The following FARS2 variants were observed in gnomAD, a reference collection of about 807,000 sequenced individuals.
FARS2 encodes phenylalanine--tRNA ligase, mitochondrial.
In FARS2, 40 loss-of-function variants were observed where a neutral mutation model predicts 46.4. The ratio of observed to expected loss-of-function variants is 0.86; its 90% CI spans 0.67 to 1.12. FARS2 has a LOEUF of 1.12. Among genes scored for constraint, FARS2 ranks in the 50% most tolerant of loss-of-function variants. The pLI, the probability that FARS2 is intolerant of heterozygous loss-of-function variation, is 0.00. For missense variants in FARS2, 513 were observed against 567.9 expected (o/e 0.90, Z 0.98); for synonymous variants, 234 against 214.9 (o/e 1.09, Z -0.78).
At chr6:5,600,982 G>GTCGCCGT in intron 5 of FARS2, among the ~76,000 whole-genome samples, 1 of 151,810 alleles carries the variant, frequency 6.6e-6, no homozygotes, top group Non-Finnish European at 1.5e-5. Context: ...TCAGGAATGG[G>GTCGCCGT]ATTAGTGCCA....
chr6:5,670,000 T>G (rs1778369054), intron 6 of FARS2, among the ~76,000 whole-genome samples: 1 of 152,228 alleles, frequency 6.6e-6, no homozygotes, highest in Admixed American at 6.5e-5. Context: ...ATCCCATTTC[T>G]TGTGTTGATT....
chr6:5,727,745 C>T lies in FARS2; in HGVS notation c.1218-43546C>T, dbSNP rs1227018338. Among the ~76,000 whole-genome samples the T allele has an allele frequency of 6.6e-6, 1 of 152,210 alleles. No homozygotes were observed. The highest frequency in any genetic ancestry group is 1.5e-5 in the Non-Finnish European group (1 of 68,038). ...GGGATCATATTTTCAGGTGCATTTT[C>T]TTCCAATGCACTCTGACAGCTCAAA... On this transcript the variant is annotated intron_variant, in intron 6 of 6. Transcript: ENST00000274680. The surrounding 1 kb of genome is among the most constrained non-coding windows in gnomAD (Gnocchi z 4.1).
intron 3 of FARS2, among the ~76,000 whole-genome samples, chr6:5,418,799 C>T (rs1189513647): frequency 6.6e-6 from 1 of 152,172 alleles, no homozygotes; most frequent in Non-Finnish European, 1.5e-5. Flanking sequence ...TTAGGTCTCA[C>T]CCCTCTGGGG....
chr6:5,764,138 T>A lies in FARS2; in HGVS notation c.1218-7153T>A, dbSNP rs1256709155. On this transcript the variant is annotated intron_variant, in intron 6 of 6. Transcript: ENST00000274680. This position sits in a 1 kb window ranked among gnomAD's most constrained non-coding sequence, Gnocchi z 4.1. Reference sequence around the variant, plus strand: ...ACACTCTACACGCCCCCTCATTCAGTCCTCACAAACCCTGGAAAGCAAGTT... The same window carrying A: ...ACACTCTACACGCCCCCTCATTCAGACCTCACAAACCCTGGAAAGCAAGTT... 6.6e-6 allele frequency among the ~76,000 whole-genome samples: 1 copy of A among 152,056 alleles called. No individual in the cohort carries two copies. The highest frequency in any genetic ancestry group is 1.5e-5 in the Non-Finnish European group (1 of 68,024).
At position 5,427,375 on chromosome 6, in the gene FARS2, A is replaced by C. The variant is rs146003883; in HGVS notation, c.773-3666A>C. Among the ~76,000 whole-genome samples, 593 of 152,378 alleles carry C rather than the reference A, an allele frequency of 3.9e-3. 7 individuals carry two copies. Among genetic ancestry groups the C allele is most frequent in the Non-Finnish European group, 5.9e-3 (402 of 68,036 alleles). On this transcript the variant is annotated intron_variant, in intron 3 of 6. Coordinates refer to ENST00000274680, the MANE Select transcript of FARS2 (RefSeq NM_006567.5). ...AAGGTTTTATGGATAAGACTTCAAAAGCACAGATTTTGACTTTTGTCTATT... is the reference window on the plus strand; with the variant it reads ...AAGGTTTTATGGATAAGACTTCAAACGCACAGATTTTGACTTTTGTCTATT...
At chr6:5,402,249 T>C (rs1761301937) in intron 2 of FARS2, among the ~76,000 whole-genome samples, 1 of 151,914 alleles carries the variant, frequency 6.6e-6, no homozygotes, top group African/African-American at 2.4e-5. Context: ...TTAAATCAAT[T>C]CTCTTTTCAT....
intron 1 of FARS2, among the ~76,000 whole-genome samples, chr6:5,282,182 A>G (rs17140075): frequency 0.24 from 36,044 of 152,192 alleles, 4,923 homozygotes; most frequent in African/African-American, 0.36. Context: ...TGGAATTTCA[A>G]GGAAAGTGTT....
chr6:5,297,277 T>C (rs1767958061), intron 1 of FARS2, among the ~76,000 whole-genome samples: 1 of 152,170 alleles, frequency 6.6e-6, no homozygotes, highest in Admixed American at 6.5e-5. Context: ...GCATCAGTGA[T>C]TCAGAGCCTG....
intron 1 of FARS2, among the ~76,000 whole-genome samples, chr6:5,352,349 G>T (rs1018972230): frequency 6.6e-6 from 1 of 151,588 alleles, no homozygotes; most frequent in African/African-American, 2.4e-5. Context: ...CCAACCAGAA[G>T]ATGAGCATTG....
intron 1 of FARS2, among the ~76,000 whole-genome samples, chr6:5,341,024 T>G (rs915228707): frequency 7.3e-5 from 11 of 150,770 alleles, no homozygotes; most frequent in Non-Finnish European, 1.0e-4. Flanking sequence ...GACGTGCGCC[T>G]GTAATCCCAG....
intron 4 of FARS2, among the ~76,000 whole-genome samples, chr6:5,434,986 G>A (rs930544117): frequency 6.6e-6 from 1 of 152,158 alleles, no homozygotes; most frequent in Admixed American, 6.5e-5. Flanking sequence ...CATAAAGCAT[G>A]CTGTATATGC....
intron 5 of FARS2, among the ~76,000 whole-genome samples, chr6:5,551,393 C>T (rs1771366144): frequency 6.6e-6 from 1 of 152,164 alleles, no homozygotes; most frequent in Non-Finnish European, 1.5e-5. Flanking sequence ...ATGCTCCTCA[C>T]TTTTTCCTTG....
intron 1 of FARS2, among the ~76,000 whole-genome samples, chr6:5,294,764 T>C (rs1767740775): frequency 6.6e-6 from 1 of 152,166 alleles, no homozygotes; most frequent in Non-Finnish European, 1.5e-5. Flanking sequence ...GGAGCTTCCA[T>C]GCCCTCCCTG....
intron 1 of FARS2, among the ~76,000 whole-genome samples, chr6:5,276,114 A>G (rs901515870): frequency 2.6e-5 from 4 of 152,194 alleles, no homozygotes; most frequent in Non-Finnish European, 5.9e-5. Context: ...TGTAAGAATT[A>G]TTGACACAAG....
chr6:5,651,317 A>C (rs1209375979), intron 6 of FARS2, among the ~76,000 whole-genome samples: 2 of 152,218 alleles, frequency 1.3e-5, no homozygotes, highest in African/African-American at 4.8e-5. Context: ...TAGGGCTAAC[A>C]CAGGACTGTC....
At chr6:5,275,239 T>G (rs550734739) in intron 1 of FARS2, among the ~76,000 whole-genome samples, 8 of 152,206 alleles carry the variant, frequency 5.3e-5, no homozygotes, top group Non-Finnish European at 1.0e-4. Context: ...AGGGTCCTTC[T>G]CTTGAATAAT....
intron 6 of FARS2, among the ~76,000 whole-genome samples, chr6:5,706,891 G>C (rs115488527): frequency 6.6e-6 from 1 of 152,206 alleles, no homozygotes; most frequent in Non-Finnish European, 1.5e-5. Context: ...CTTTCCATCC[G>C]TTGATGGGGC....
intron 3 of FARS2, among the ~76,000 whole-genome samples, chr6:5,422,800 T>C (rs530708937): frequency 5.3e-5 from 8 of 152,202 alleles, no homozygotes; most frequent in Non-Finnish European, 1.0e-4. Context: ...TTTTTTCATA[T>C]TTTATTAAAA....
intron 6 of FARS2, among the ~76,000 whole-genome samples, chr6:5,761,866 A>AAGCTAATG (rs1353126902): frequency 1.3e-5 from 2 of 152,046 alleles, no homozygotes; most frequent in Admixed American, 6.5e-5. Context: ...CTTCATTGCT[A>AAGCTAATG]AGCTAATGAA....
Sources: gnomAD v4.1 joint callset for allele counts (sites outside exome capture counted in the v4.1 genomes callset) on GRCh38, gnomAD v4.1.1 for gene constraint, Gnocchi (gnomAD v3.1) non-coding constraint, MANE v1.5 for transcripts, NCBI Gene and HGNC (gene_info 2026-07-23, HGNC 2026-07-21) for gene names.